ERLIN2: variants seen among roughly 807,000 people sequenced by gnomAD.
The protein encoded by ERLIN2 is erlin-2.
Under a neutral mutation model 41.5 loss-of-function variants are expected in ERLIN2, and 22 were observed. That is an observed-to-expected ratio of 0.53 (90% CI 0.38 to 0.76). The LOEUF (loss-of-function observed/expected upper bound fraction) is 0.76, where lower values mean the gene tolerates loss of function less well. Ranked by LOEUF, ERLIN2 falls within the 30% of genes least tolerant of loss-of-function variation. The probability of loss-of-function intolerance (pLI) is 0.00; values close to 1 mark genes in which losing one functional copy is unlikely to be tolerated. For synonymous variants in ERLIN2, 149 were observed against 150.9 expected (o/e 0.99, Z 0.09); for missense variants, 247 against 414.3 (o/e 0.60, Z 3.51).
chr8:37,743,490 C>T (rs1307271749), intron 4 of ERLIN2, among the ~76,000 whole-genome samples: 1 of 152,144 alleles, frequency 6.6e-6, no homozygotes, highest in Non-Finnish European at 1.5e-5. Flanking sequence ...TGGATTACAG[C>T]CCACCCTTAT....
In ERLIN2 at chr8:37,756,809, TG is replaced by T. The variant is rs1268601729; in HGVS notation, c.*2696del. On this transcript the variant is annotated 3_prime_UTR_variant, in exon 12 of 12. Coordinates refer to ENST00000519638, the MANE Select transcript of ERLIN2 (RefSeq NM_007175.8). The stretch of plus-strand genomic sequence containing the variant: ...TGAAGTAATGGCTGCTATTTATAAA[TG>T]GAACATCTATCAAAATAAGTAACTG... The T allele has an allele frequency of 2.0e-5, 3 of 152,658 alleles. No homozygotes were observed. Among genetic ancestry groups the T allele is most frequent in the Admixed American group, 2.0e-4 (3 of 15,284 alleles). 9.5% of individuals were successfully genotyped at this position (152,658 alleles called of 1,614,324 possible).
At position 37,742,749 on chromosome 8, in the gene ERLIN2, C is replaced by A. The variant is rs138892071; in HGVS notation, c.236+931C>A. Among the ~76,000 whole-genome samples, 272 of 152,314 alleles carry A rather than the reference C, an allele frequency of 1.8e-3. 1 individual carries two copies. Among genetic ancestry groups the A allele is most frequent in the African/African-American group, 6.4e-3 (266 of 41,570 alleles). ...TGATGGGATGATCTGAGCAGCAAAC[C>A]ACCATGGCACACGTTTACCTATGTA... is the stretch of plus-strand genomic sequence containing the variant. On this transcript the variant is annotated intron_variant, in intron 4 of 11. Transcript: ENST00000519638.
Position 37,742,250 on chromosome 8 carries a change from G to A in ERLIN2, c.236+432G>A, listed in dbSNP as rs539775076. Among the ~76,000 whole-genome samples, 134 of 151,648 alleles carry A rather than the reference G, an allele frequency of 8.8e-4. 1 individual carries two copies. Among genetic ancestry groups the A allele is most frequent in the Non-Finnish European group, 2.5e-4 (17 of 67,850 alleles). The stretch of plus-strand genomic sequence containing the variant: ...CAGCTACTCGGGAGGCTGAGGCAGG[G>A]GAATGACTTGAACCTGGGAGGCAGA... On this transcript the variant is annotated intron_variant, in intron 4 of 11. Coordinates refer to ENST00000519638, the MANE Select transcript of ERLIN2 (RefSeq NM_007175.8).
chr8:37,737,023 C>T (rs569765050), intron 1 of ERLIN2: 1 of 980,784 alleles, frequency 1.0e-6, no homozygotes, highest in Non-Finnish European at 1.2e-6. Context: ...ATAAGCGCCT[C>T]GCAGATGTCC....
intron 8 of ERLIN2, 95 bp downstream of exon 8, chr8:37,749,947 G>A (rs1315752895): frequency 6.3e-6 from 7 of 1,104,192 alleles, no homozygotes; most frequent in South Asian, 1.2e-5. Flanking sequence ...AGGCTTCTCG[G>A]TTATCCCCTT....
chr8:37,747,286 T>C, intron 6 of ERLIN2: 1 of 832,744 alleles, frequency 1.2e-6, no homozygotes, highest in East Asian at 2.4e-5. Flanking sequence ...TTACTTTGTC[T>C]CCTGATCTAA....
chr8:37,737,647 C>T (rs1802697861), intron 1 of ERLIN2: 2 of 475,132 alleles, frequency 4.2e-6, no homozygotes, highest in South Asian at 2.1e-5. Context: ...CCAGCTGGCA[C>T]GGGTTCTCCC....
intron 1 of ERLIN2, chr8:37,736,894 G>A (rs1352016934): frequency 1.0e-6 from 1 of 985,912 alleles, no homozygotes; most frequent in East Asian, 1.1e-4. Flanking sequence ...CCCAGACCAG[G>A]GCGCTTGACC....
At chr8:37,747,914 A>G in intron 6 of ERLIN2, 2 of 1,614,202 alleles carry the variant, frequency 1.2e-6, no homozygotes, top group Non-Finnish European at 1.7e-6. Flanking sequence ...CACAAACAGT[A>G]GTACACATGG....
Position 37,745,585 on chromosome 8 carries a change from T to G in ERLIN2, c.424+889T>G, listed in dbSNP as rs1022710622. ...TGACACTAGGACTGGAAAATGATTTTTCCCAGGAATCTTCATAAAAGGGAC... is the reference window on the plus strand; with the variant it reads ...TGACACTAGGACTGGAAAATGATTTGTCCCAGGAATCTTCATAAAAGGGAC... On this transcript the variant is annotated intron_variant, in intron 6 of 11. Coordinates refer to ENST00000519638, the MANE Select transcript of ERLIN2 (RefSeq NM_007175.8). 3 of 1,614,036 alleles carry G rather than the reference T, an allele frequency of 1.9e-6. No individual in the cohort carries two copies. The African/African-American group carries it at 4.0e-5, about 22-fold the overall frequency.
chr8:37,750,199 A>G (rs1803186301), intron 8 of ERLIN2, 196 bp from the exon 9 acceptor site: 2 of 636,950 alleles, frequency 3.1e-6, no homozygotes, highest in Admixed American at 5.2e-5. Flanking sequence ...TATTTCCCAC[A>G]AATGAGTTAC....
Position 37,757,216 on chromosome 8 carries a change from TTATC to T in ERLIN2, c.*3105_*3108del, listed in dbSNP as rs946403634. The T allele has an allele frequency of 1.3e-5, 2 of 152,232 alleles. No individual in the cohort carries two copies. Among genetic ancestry groups the T allele is most frequent in the Non-Finnish European group, 2.9e-5 (2 of 68,032 alleles). 9.4% of individuals were successfully genotyped at this position (152,232 alleles called of 1,614,324 possible). On this transcript the variant is annotated 3_prime_UTR_variant, in exon 12 of 12. Coordinates refer to ENST00000519638, the MANE Select transcript of ERLIN2 (RefSeq NM_007175.8). The stretch of plus-strand genomic sequence containing the variant: ...AGTAAGATGGTCATACTTACTGACT[TTATC>T]TATTTAAGTTTGATGGAGATAAACT...
intron 10 of ERLIN2, 72 bp downstream of exon 10, chr8:37,751,787 T>C: frequency 8.8e-7 from 1 of 1,138,660 alleles, no homozygotes; most frequent in Non-Finnish European, 1.3e-6. Flanking sequence ...TGGGGAGCCA[T>C]TGCCTTTGCC....
intron 2 of ERLIN2, among the ~76,000 whole-genome samples, 174 bp from the exon 3 acceptor site, chr8:37,740,191 A>G (rs1354056618): frequency 2.6e-5 from 4 of 152,162 alleles, no homozygotes; most frequent in Non-Finnish European, 4.4e-5. Context: ...CAGGCTTCCT[A>G]GAATATTAGG....
chr8:37,751,045 T>TA (rs750178701), intron 9 of ERLIN2, among the ~76,000 whole-genome samples: 2 of 152,192 alleles, frequency 1.3e-5, no homozygotes, highest in Non-Finnish European at 2.9e-5. Flanking sequence ...TAATGGCTAA[T>TA]ACTTAATTAA....
At position 37,754,094 on chromosome 8, in the gene ERLIN2, GACGGCC is replaced by G. The variant is rs797045563; in HGVS notation, c.1002_1007del (p.Ala335_Thr336del). The G allele has an allele frequency of 9.9e-6, 16 of 1,613,854 alleles. No individual in the cohort carries two copies. Among genetic ancestry groups the G allele is most frequent in the Admixed American group, 1.7e-5 (1 of 59,996 alleles). On this transcript the variant is annotated inframe_deletion, in exon 12 of 12. Coordinates refer to ENST00000519638, the MANE Select transcript of ERLIN2 (RefSeq NM_007175.8). The stretch of plus-strand genomic sequence containing the variant: ...TTGGCTTAGAAGATGAACCCTTGGA[GACGGCC>G]ACTAAGGAGAATTGAAAAAAACTTG...
intron 4 of ERLIN2, among the ~76,000 whole-genome samples, chr8:37,743,203 G>C (rs1035050825): frequency 1.2e-4 from 19 of 152,274 alleles, no homozygotes; most frequent in Admixed American, 1.2e-3. Flanking sequence ...ATTAGAACCT[G>C]GTTCAAAATT....
At chr8:37,744,246 C>T in intron 4 of ERLIN2, 109 bp from the exon 5 acceptor site, 1 of 970,904 alleles carries the variant, frequency 1.0e-6, no homozygotes. Flanking sequence ...TTCCCGTGAA[C>T]TCTTCTACTC....
chr8:37,747,362 T>TGGG, intron 6 of ERLIN2: 2 of 1,329,752 alleles, frequency 1.5e-6, no homozygotes, highest in Non-Finnish European at 2.2e-6. Context: ...TCAATCAAGG[T>TGGG]CCCCTTCATT....
Sources: allele counts gnomAD v4.1 joint callset (sites outside exome capture counted in the v4.1 genomes callset), GRCh38; gene constraint gnomAD v4.1.1; transcripts MANE v1.5; gene names NCBI Gene and HGNC (gene_info 2026-07-23, HGNC 2026-07-21).